Variants in CCDC178 observed in about 807,000 individuals in gnomAD.
The protein encoded by CCDC178 is coiled-coil domain containing 178.
In CCDC178, 126 loss-of-function variants were observed where a neutral mutation model predicts 117.4. That is an observed-to-expected ratio of 1.07 (90% CI 0.93 to 1.24). CCDC178 has a LOEUF of 1.24. Ranked by LOEUF, CCDC178 falls within the 50% of genes most tolerant of loss-of-function variation. CCDC178 has a pLI of 0.00. For synonymous variants in CCDC178, 283 were observed against 313.4 expected, an observed-to-expected ratio of 0.90 and a Z score of 1.02; for missense variants, 1,030 against 986.9, an observed-to-expected ratio of 1.04 and a Z score of -0.59.
chr18:33,371,784 TACACACACAC>T lies in CCDC178; in HGVS notation c.209-1605_209-1596del, dbSNP rs146013235. On this transcript the variant is annotated intron_variant, in intron 5 of 22. Coordinates refer to ENST00000383096, the MANE Select transcript of CCDC178 (RefSeq NM_001105528.4). ...TTCCTCTTTAGTTCATAAACATATATACACACACACACACACACACACACACACACACACA... is the reference window on the plus strand; with the variant it reads ...TTCCTCTTTAGTTCATAAACATATATACACACACACACACACACACACACA... 2.0e-4 allele frequency among the ~76,000 whole-genome samples: 29 copies of T among 144,294 alleles called. No individual in the cohort carries two copies. The Middle Eastern group carries it at 0.01, about 52-fold the overall frequency. 94.7% of individuals were successfully genotyped at this position (144,294 alleles called of 152,430 possible).
intron 21 of CCDC178, among the ~76,000 whole-genome samples, chr18:33,050,427 C>T (rs747510825): frequency 3.3e-5 from 5 of 151,956 alleles, no homozygotes; most frequent in African/African-American, 1.2e-4. Context: ...TCACTGATAG[C>T]GAAATTATTA....
chr18:32,993,937 C>A (rs2055448295), intron 21 of CCDC178, among the ~76,000 whole-genome samples: 1 of 151,972 alleles, frequency 6.6e-6, no homozygotes, highest in African/African-American at 2.4e-5. Context: ...CCTATTGAAC[C>A]AACACCACAG....
At chr18:33,331,064 A>G (rs928489064) in intron 10 of CCDC178, among the ~76,000 whole-genome samples, 2 of 58,362 alleles carry the variant, frequency 3.4e-5, no homozygotes, top group Non-Finnish European at 5.4e-5. Flanking sequence ...GTCTGCTAGC[A>G]TGAATTCTTT....
In CCDC178 at chr18:33,328,701, T is replaced by A. The variant is rs575966792; in HGVS notation, c.879+4473A>T. On this transcript the variant is annotated intron_variant, in intron 10 of 22. Coordinates refer to ENST00000383096, the MANE Select transcript of CCDC178 (RefSeq NM_001105528.4). ...ACTTAGGCAAATATATTTTGCTTAC[T>A]ACAGCTTTGTAGTAAGTTTTGAAAT... Among the ~76,000 whole-genome samples, 14 of 152,282 alleles carry A rather than the reference T, an allele frequency of 9.2e-5. No homozygotes were observed. In the South Asian group the frequency reaches 1.7e-3, roughly 18 times the overall value.
chr18:33,306,733 T>G (rs2062260563), intron 11 of CCDC178, among the ~76,000 whole-genome samples: 1 of 151,754 alleles, frequency 6.6e-6, no homozygotes, highest in African/African-American at 2.4e-5. Context: ...ATTGATAAGA[T>G]TTGGCTGTGT....
At chr18:33,154,444 C>T (rs553268644) in intron 20 of CCDC178, among the ~76,000 whole-genome samples, 17 of 151,798 alleles carry the variant, frequency 1.1e-4, no homozygotes, top group Non-Finnish European at 2.2e-4. Flanking sequence ...TTTAAAGCAG[C>T]TGTTATAAAT....
intron 11 of CCDC178, among the ~76,000 whole-genome samples, chr18:33,322,099 C>G (rs2062519157): frequency 2.0e-5 from 3 of 151,644 alleles, no homozygotes; most frequent in Admixed American, 2.0e-4. Context: ...TTTGCATGCA[C>G]CTGAGAATAT....
chr18:33,235,646 C>G (rs57204429), intron 15 of CCDC178, among the ~76,000 whole-genome samples: 1 of 152,044 alleles, frequency 6.6e-6, no homozygotes, highest in South Asian at 2.1e-4. Flanking sequence ...GATGTTCTCA[C>G]TTTTCCACCA....
chr18:33,339,091 C>T (rs1243640668), intron 9 of CCDC178, among the ~76,000 whole-genome samples: 1 of 151,816 alleles, frequency 6.6e-6, no homozygotes, highest in Non-Finnish European at 1.5e-5. Flanking sequence ...TAAAATGCAA[C>T]TAATGACATT....
intron 11 of CCDC178, among the ~76,000 whole-genome samples, chr18:33,312,563 G>A (rs2062357570): frequency 6.6e-6 from 1 of 152,142 alleles, no homozygotes; most frequent in South Asian, 2.1e-4. Context: ...CAAGGGTTGG[G>A]CCCACTGAGC....
chr18:33,269,190 A>G (rs2059856467), intron 12 of CCDC178, among the ~76,000 whole-genome samples: 1 of 151,776 alleles, frequency 6.6e-6, no homozygotes, highest in Non-Finnish European at 1.5e-5. Flanking sequence ...TTTTCCCCAG[A>G]GCATGGTTGT....
intron 21 of CCDC178, among the ~76,000 whole-genome samples, chr18:33,059,257 C>A (rs998038403): frequency 1.3e-5 from 2 of 151,960 alleles, no homozygotes; most frequent in African/African-American, 4.8e-5. Context: ...AGTATTGACT[C>A]AAAAGCAAAA....
chr18:33,404,216 T>C (rs1032521131), intron 3 of CCDC178, among the ~76,000 whole-genome samples: 16 of 152,152 alleles, frequency 1.1e-4, no homozygotes, highest in Admixed American at 7.2e-4. Context: ...AATGTATCAA[T>C]ATTGGTTTAT....
At chr18:33,221,611 A>C (rs775350661) in intron 18 of CCDC178, among the ~76,000 whole-genome samples, 10 of 152,030 alleles carry the variant, frequency 6.6e-5, no homozygotes, top group African/African-American at 9.7e-5. Context: ...TTTTAAAATT[A>C]TTTTTTGGCT....
intron 2 of CCDC178, among the ~76,000 whole-genome samples, chr18:33,430,321 T>C (rs1162937085): frequency 6.6e-6 from 1 of 152,240 alleles, no homozygotes; most frequent in Non-Finnish European, 1.5e-5. Context: ...TTTGATGAAA[T>C]AGTCTTTTAT....
intron 21 of CCDC178, among the ~76,000 whole-genome samples, chr18:33,001,139 TATC>T (rs1164322829): frequency 6.6e-6 from 1 of 152,208 alleles, no homozygotes; most frequent in African/African-American, 2.4e-5. Flanking sequence ...CAATCTGTGT[TATC>T]ATCAATTTAA....
rs115808855 is a variant in CCDC178, at chr18:32,961,752, G to A, written c.2523+12795C>T. ...TGCTGCCATTGATCTGACAGGAGGC[G>A]GAGCTGTGTGTAATGCTTGCTCCTG... On this transcript the variant is annotated intron_variant, in intron 22 of 22. Coordinates refer to ENST00000383096, the MANE Select transcript of CCDC178 (RefSeq NM_001105528.4). Among the ~76,000 whole-genome samples the A allele has an allele frequency of 4.3e-3, 655 of 152,134 alleles. 6 individuals carry two copies. Among genetic ancestry groups the A allele is most frequent in the African/African-American group, 0.015 (608 of 41,524 alleles).
At position 32,986,719 on chromosome 18, in the gene CCDC178, A is replaced by G. The variant is rs183510069; in HGVS notation, c.2389-12038T>C. 1.2e-4 allele frequency among the ~76,000 whole-genome samples: 19 copies of G among 152,260 alleles called. No homozygotes were observed. In the South Asian group the frequency reaches 1.7e-3, roughly 13 times the overall value. On this transcript the variant is annotated intron_variant, in intron 21 of 22. Coordinates refer to ENST00000383096, the MANE Select transcript of CCDC178 (RefSeq NM_001105528.4). ...AACAGGTAAATATGTAAAGTCAAAC[A>G]AACATTCCCTGTATGAAATATTAAT... is the stretch of plus-strand genomic sequence containing the variant.
intron 20 of CCDC178, among the ~76,000 whole-genome samples, chr18:33,176,256 A>G (rs960651434): frequency 2.6e-5 from 4 of 152,010 alleles, no homozygotes. Flanking sequence ...CCAGTCTGAC[A>G]CTCTTAGAGT....
Sources: allele counts gnomAD v4.1 joint callset (sites outside exome capture counted in the v4.1 genomes callset), GRCh38; gene constraint gnomAD v4.1.1; transcripts MANE v1.5; gene names NCBI Gene and HGNC (gene_info 2026-07-23, HGNC 2026-07-21).